The following SMARCA4 variants were observed in gnomAD, a reference collection of about 807,000 sequenced individuals.
SMARCA4 encodes SWI/SNF related BAF chromatin remodeling complex subunit ATPase 4, also known as SWI/SNF-related matrix-associated actin-dependent regulator of chromatin subfamily A member 4.
SMARCA4 carries 31 observed loss-of-function variants against 193.9 expected under a neutral mutation model. That is an observed-to-expected ratio of 0.16 (90% CI 0.12 to 0.22). The LOEUF (loss-of-function observed/expected upper bound fraction) is 0.22, where lower values mean the gene tolerates loss of function less well. Ranked by LOEUF, SMARCA4 falls within the 10% of genes least tolerant of loss-of-function variation. The pLI is 1.00. For missense variants in SMARCA4, 1,148 were observed against 2,296.0 expected, an observed-to-expected ratio of 0.50 and a Z score of 10.22; for synonymous variants, 942 against 933.1, an observed-to-expected ratio of 1.01 and a Z score of -0.17.
At chr19:11,039,429 T>TA (rs768041758) in intron 29 of SMARCA4, 1 of 1,439,502 alleles carries the variant, frequency 6.9e-7, no homozygotes, top group Non-Finnish European at 9.6e-7. Context: ...ACTGAAACAC[T>TA]AAACAGACAT....
rs562435107 is a variant in SMARCA4, at chr19:11,002,522, C to T, written c.1813-507C>T. Among the ~76,000 whole-genome samples the T allele has an allele frequency of 2.0e-5, 3 of 151,658 alleles. No individual in the cohort carries two copies. The South Asian group carries it at 6.3e-4, about 32-fold the overall frequency. The stretch of plus-strand genomic sequence containing the variant: ...AAATAAAAAATAAAAATGGGCCGAG[C>T]ATAGTGGCTCACGCCTGGAATCCCA... On this transcript the variant is annotated intron_variant, in intron 11 of 34. Transcript: ENST00000344626.
At chr19:10,989,252 C>G (rs1298147647) in intron 6 of SMARCA4, 65 bp from the exon 7 acceptor site, 1 of 1,604,018 alleles carries the variant, frequency 6.2e-7, no homozygotes, top group Non-Finnish European at 8.5e-7. Context: ...TCCCCTGCAG[C>G]TCCAGCTGTA....
chr19:11,061,204 A>AAAAAAAT (rs1555797070), intron 34 of SMARCA4, among the ~76,000 whole-genome samples: 21 of 45,212 alleles, frequency 4.6e-4, no homozygotes, highest in African/African-American at 2.0e-3. Context: ...AAAAAAAAAA[A>AAAAAAAT]ATATATATAT....
In SMARCA4 at chr19:11,060,176, G is replaced by A. The variant is rs1328439981; in HGVS notation, c.4900G>A (p.Glu1634Lys). The part of the protein sequence containing the change: ...PVVSDDDSEE[E>K]QEEDRSGSGS... ...CGTGAGTGACGATGACAGTGAGGAG[G>A]AACAAGAGGAGGTGAGGCCGGGCCC... The change falls in exon 34 of 35, where the codon GAA becomes AAA. Residue 1634 changes from glutamate (E) to lysine (K), a missense_variant. Glu to Lys is a moderately conservative substitution (Grantham distance 56). This residue lies in a region of SMARCA4 where 105 missense variants were observed against 133.7 expected (regional missense o/e 0.79). Coordinates refer to ENST00000344626, the MANE Select transcript of SMARCA4 (RefSeq NM_003072.5). The A allele has an allele frequency of 6.4e-7, 1 of 1,551,062 alleles. No homozygotes were observed. The highest frequency in any genetic ancestry group is 8.7e-7 in the Non-Finnish European group (1 of 1,146,706).
intron 1 of SMARCA4, among the ~76,000 whole-genome samples, chr19:10,972,892 T>C (rs1240896974): frequency 1.3e-5 from 2 of 152,162 alleles, no homozygotes; most frequent in Admixed American, 6.5e-5. Context: ...GGACGGATCA[T>C]CGGCTCAGGA....
rs910039913 is a variant in SMARCA4 at position 11,019,992 on chromosome 19, G to A, written c.2616+291G>A. 2.0e-5 allele frequency among the ~76,000 whole-genome samples: 3 copies of A among 152,332 alleles called. No homozygotes were observed. The highest frequency in any genetic ancestry group is 1.9e-4 in the East Asian group (1 of 5,180). On this transcript the variant is annotated intron_variant, in intron 18 of 34. Coordinates refer to ENST00000344626, the MANE Select transcript of SMARCA4 (RefSeq NM_003072.5). The surrounding 1 kb of genome is among the most constrained non-coding windows in gnomAD (Gnocchi z 6.1). ...GCCCAGAGAGCCTCAGCACCAAGGC[G>A]TCTCCTGACCCGCCTACAGAGTCCC... is the stretch of plus-strand genomic sequence containing the variant.
rs1261247923 is a variant in SMARCA4, at chr19:10,984,425, GCAGGCAGC to G, written c.222+54_222+61del. 1.3e-6 allele frequency: 2 copies of G among 1,550,758 alleles called. No homozygotes were observed. The highest frequency in any genetic ancestry group is 3.9e-5 in the Admixed American group (2 of 51,140). On this transcript the variant is annotated intron_variant, in intron 2 of 34. Transcript: ENST00000344626. This position sits in a 1 kb window ranked among gnomAD's most constrained non-coding sequence, Gnocchi z 4.3. ...CCTGCGGCCTCTGCCCACTAGGGCT[GCAGGCAGC>G]CTCTGGACCGAGGGCCTTACTTGGA... is the stretch of plus-strand genomic sequence containing the variant.
At position 11,030,472 on chromosome 19, in the gene SMARCA4, A is replaced by G. The variant is rs1002469651; in HGVS notation, c.3383-258A>G. ...GGCTGGGTGCTGGACTCTGTGCTCCAGGCCCACCTCCTCTAGTTCTCCCAG... is the reference window on the plus strand; with the variant it reads ...GGCTGGGTGCTGGACTCTGTGCTCCGGGCCCACCTCCTCTAGTTCTCCCAG... On this transcript the variant is annotated intron_variant, in intron 24 of 34. Transcript: ENST00000344626. This position sits in a 1 kb window ranked among gnomAD's most constrained non-coding sequence, Gnocchi z 5.5. Among the ~76,000 whole-genome samples, 3 of 152,212 alleles carry G rather than the reference A, an allele frequency of 2.0e-5. No individual in the cohort carries two copies. The highest frequency in any genetic ancestry group is 6.5e-5 in the Admixed American group (1 of 15,274).
chr19:11,060,248 G>C (rs1600650659), intron 34 of SMARCA4, 61 bp downstream of exon 34: 2 of 1,541,216 alleles, frequency 1.3e-6, no homozygotes, highest in South Asian at 2.4e-5. Flanking sequence ...CCGGGGCCCT[G>C]ATGGGACAGC....
rs956519511 is a variant in SMARCA4, at chr19:11,038,230, T to G, written c.4171-3077T>G. Among the ~76,000 whole-genome samples, 27 of 152,358 alleles carry G rather than the reference T, an allele frequency of 1.8e-4. No individual in the cohort carries two copies. In the East Asian group the frequency reaches 5.2e-3, roughly 29 times the overall value. ...CTGATGGTTCCAGAAGCCTCCTGGC[T>G]TGGGGCAGCGTCACCCCATCTCTGC... is the stretch of plus-strand genomic sequence containing the variant. On this transcript the variant is annotated intron_variant, in intron 29 of 34. Coordinates refer to ENST00000344626, the MANE Select transcript of SMARCA4 (RefSeq NM_003072.5).
chr19:10,981,235 G>T (rs2085528711), intron 1 of SMARCA4, among the ~76,000 whole-genome samples: 1 of 152,194 alleles, frequency 6.6e-6, no homozygotes, highest in Non-Finnish European at 1.5e-5. Context: ...GAGCGCCAAG[G>T]AGCCAGTGCC....
chr19:11,008,161 A>G, intron 14 of SMARCA4, 138 bp downstream of exon 14: 6 of 811,274 alleles, frequency 7.4e-6, no homozygotes, highest in Non-Finnish European at 1.2e-5. Flanking sequence ...ACAGAGACCA[A>G]ATTTATTTAC....
At position 10,985,353 on chromosome 19, in the gene SMARCA4, G is replaced by T. The variant is rs1170894634; in HGVS notation, c.303G>T (p.Gly101=). 3.7e-6 allele frequency: 6 copies of T among 1,614,060 alleles called. No individual in the cohort carries two copies. Among genetic ancestry groups the T allele is most frequent in the Non-Finnish European group, 4.2e-6 (5 of 1,180,004 alleles). The change falls in exon 3 of 35, where the codon GGG becomes GGT. Residue 101 remains glycine (G), a synonymous_variant. Coordinates refer to ENST00000344626, the MANE Select transcript of SMARCA4 (RefSeq NM_003072.5). The surrounding 1 kb of genome is among the most constrained non-coding windows in gnomAD (Gnocchi z 4.5). ...TGAAAGGAATGGGGATGCGGTCAGGGGGCCATGCTGGGATGGGGCCCCCGC... is the reference window on the plus strand; with the variant it reads ...TGAAAGGAATGGGGATGCGGTCAGGTGGCCATGCTGGGATGGGGCCCCCGC... ...NQMKGMGMRS[G]GHAGMGPPPS... is the part of the protein sequence containing the mutation.
intron 8 of SMARCA4, among the ~76,000 whole-genome samples, chr19:10,994,186 T>G (rs1436695053): frequency 6.6e-6 from 1 of 151,760 alleles, no homozygotes; most frequent in African/African-American, 2.4e-5. Context: ...ATTACAGGCA[T>G]GTGCCACCAC....
chr19:11,059,977 C>T (rs922468635), intron 33 of SMARCA4, 68 bp from the exon 34 acceptor site: 14 of 1,611,720 alleles, frequency 8.7e-6, no homozygotes, highest in Middle Eastern at 1.7e-4. Context: ...GGCTCCCAGA[C>T]GCCCCTTGCT....
At chr19:11,059,317 T>A (rs2076725559) in intron 32 of SMARCA4, 1 of 308,986 alleles carries the variant, frequency 3.2e-6, no homozygotes. Flanking sequence ...TGTGATAGAA[T>A]TGACACATAC....
chr19:10,986,164 C>T lies in SMARCA4; in HGVS notation c.356-25C>T, dbSNP rs2086010606. 6 of 1,579,542 alleles carry T rather than the reference C, an allele frequency of 3.8e-6. No homozygotes were observed. The highest frequency in any genetic ancestry group is 1.3e-5 in the African/African-American group (1 of 74,366). ...ATCACAGACATATGCTGCCGAGTGA[C>T]CAGTGGGCTGACCTTTCTCTGCAGG... On this transcript the variant is annotated intron_variant, in intron 3 of 34. Coordinates refer to ENST00000344626, the MANE Select transcript of SMARCA4 (RefSeq NM_003072.5). This position sits in a 1 kb window ranked among gnomAD's most constrained non-coding sequence, Gnocchi z 6.7.
chr19:11,042,759 G>A (rs2075691080), intron 30 of SMARCA4, among the ~76,000 whole-genome samples: 1 of 152,216 alleles, frequency 6.6e-6, no homozygotes, highest in Non-Finnish European at 1.5e-5. Context: ...GGCTGAGGTG[G>A]GAGGATCACT....
chr19:10,980,861 C>T (rs1017068709), intron 1 of SMARCA4: 2 of 152,228 alleles, frequency 1.3e-5, no homozygotes, highest in Admixed American at 6.6e-5. Context: ...AGGTAACCCT[C>T]CCACCTCAGC....
Sources: allele counts gnomAD v4.1 joint callset (sites outside exome capture counted in the v4.1 genomes callset), GRCh38; gene constraint gnomAD v4.1.1; regional missense constraint gnomAD v4.1.1; non-coding constraint Gnocchi (gnomAD v3.1); transcripts MANE v1.5; gene names NCBI Gene and HGNC (gene_info 2026-07-23, HGNC 2026-07-21).